The following GNAS-AS1 variants were observed in gnomAD, a reference collection of about 807,000 sequenced individuals.
The protein encoded by GNAS-AS1 is GNAS antisense RNA 1, also known as GNAS antisense RNA 1 (non-protein coding).
chr20:58,825,377 G>A (rs984359993), intron 4 of GNAS-AS1, among the ~76,000 whole-genome samples: 15 of 152,206 alleles, frequency 9.9e-5, no homozygotes, highest in Non-Finnish European at 2.9e-5. Context: ...AAGAGACTGG[G>A]TGGATGGGGA....
chr20:58,843,057 ATG>A (rs1568911841), intron 2 of GNAS-AS1, among the ~76,000 whole-genome samples: 1 of 152,204 alleles, frequency 6.6e-6, no homozygotes, highest in African/African-American at 2.4e-5. Flanking sequence ...CCATGTTCAC[ATG>A]TAGCGAGGAG....
chr20:58,841,427 G>C lies in GNAS-AS1; in HGVS notation n.819+510C>G, dbSNP rs982227001. The C allele has an allele frequency of 1.0e-5, 10 of 992,596 alleles. No homozygotes were observed. Among genetic ancestry groups the C allele is most frequent in the South Asian group, 4.6e-5 (1 of 21,876 alleles). 61.5% of individuals were successfully genotyped at this position (992,596 alleles called of 1,614,324 possible). ...CGAGAACTCTAGAGACTGACCACCC[G>C]GGAGGGAAGTCACGCGCGCGCGGCG... is the stretch of plus-strand genomic sequence containing the variant. On this transcript the variant is annotated intron_variant and non_coding_transcript_variant, in intron 4 of 4. Coordinates refer to ENST00000424094, the Ensembl canonical transcript of GNAS-AS1. The surrounding 1 kb of genome is among the most constrained non-coding windows in gnomAD (Gnocchi z 5.0).
At chr20:58,837,466 AC>A (rs1449878323) in intron 4 of GNAS-AS1, among the ~76,000 whole-genome samples, 4 of 152,236 alleles carry the variant, frequency 2.6e-5, no homozygotes, top group African/African-American at 7.2e-5. Flanking sequence ...GCAGGGCACA[AC>A]TGGAACATAG....
chr20:58,845,261 C>A (rs1476839034), intron 2 of GNAS-AS1, among the ~76,000 whole-genome samples: 1 of 152,092 alleles, frequency 6.6e-6, no homozygotes, highest in Non-Finnish European at 1.5e-5. Context: ...TAAGCTAGAC[C>A]TGAAAAAAAT....
chr20:58,823,003 C>T (rs1297086542), intron 4 of GNAS-AS1, among the ~76,000 whole-genome samples: 4 of 152,236 alleles, frequency 2.6e-5, no homozygotes, highest in South Asian at 2.1e-4. Context: ...CCACCCCTGG[C>T]GCCTACTGTT....
chr20:58,845,611 C>T (rs949787321), intron 2 of GNAS-AS1, among the ~76,000 whole-genome samples: 17 of 152,004 alleles, frequency 1.1e-4, no homozygotes, highest in African/African-American at 4.1e-4. Context: ...TTCTTTCTTA[C>T]ATATCAAAAG....
intron 4 of GNAS-AS1, chr20:58,839,539 C>G: frequency 2.5e-6 from 1 of 405,154 alleles, no homozygotes; most frequent in Non-Finnish European, 4.4e-6. Context: ...CTCCTTGCCA[C>G]CCGCCAGGCC....
At chr20:58,822,908 G>A (rs1246905960) in intron 4 of GNAS-AS1, among the ~76,000 whole-genome samples, 1 of 152,094 alleles carries the variant, frequency 6.6e-6, no homozygotes, top group Non-Finnish European at 1.5e-5. Flanking sequence ...GCTGGGCTCT[G>A]ACCTGGCTCC....
At chr20:58,824,149 G>A (rs541343819) in intron 4 of GNAS-AS1, 2 of 398,532 alleles carry the variant, frequency 5.0e-6, no homozygotes, top group Non-Finnish European at 8.8e-6. Context: ...CCAGTCTACT[G>A]TCCAAAACTG....
chr20:58,840,912 GAGCC>G lies in GNAS-AS1; in HGVS notation n.819+1021_819+1024del. 1 of 1,610,238 alleles carries G rather than the reference GAGCC, an allele frequency of 6.2e-7. No individual in the cohort carries two copies. Among genetic ancestry groups the G allele is most frequent in the Non-Finnish European group, 8.5e-7 (1 of 1,178,650 alleles). On this transcript the variant is annotated intron_variant and non_coding_transcript_variant, in intron 4 of 4. Transcript: ENST00000424094. This position sits in a 1 kb window ranked among gnomAD's most constrained non-coding sequence, Gnocchi z 6.0. ...GTTAGTTGCCCACCGCTAAACTGGGGAGCCTGAGGGCGGTGTGGGAGCAGCGCAG... is the reference window on the plus strand; with the variant it reads ...GTTAGTTGCCCACCGCTAAACTGGGGTGAGGGCGGTGTGGGAGCAGCGCAG...
chr20:58,840,673 G>A lies in GNAS-AS1; in HGVS notation n.819+1264C>T. The A allele has an allele frequency of 6.2e-7, 1 of 1,604,912 alleles. No individual in the cohort carries two copies. On this transcript the variant is annotated intron_variant and non_coding_transcript_variant, in intron 4 of 4. Transcript: ENST00000424094. This position sits in a 1 kb window ranked among gnomAD's most constrained non-coding sequence, Gnocchi z 6.0. ...GCACTCAGGAGCCCCAGAGCCCCAGGGAAGGGGAGGAGCTCAAGCCCGAGG... is the reference window on the plus strand; with the variant it reads ...GCACTCAGGAGCCCCAGAGCCCCAGAGAAGGGGAGGAGCTCAAGCCCGAGG...
At chr20:58,848,692 A>C (rs1225325766) in intron 2 of GNAS-AS1, among the ~76,000 whole-genome samples, 2 of 152,108 alleles carry the variant, frequency 1.3e-5, no homozygotes, top group African/African-American at 4.8e-5. Context: ...CAAGCCAACC[A>C]ATCAGGCCAA....
intron 4 of GNAS-AS1, among the ~76,000 whole-genome samples, chr20:58,825,581 A>G (rs1298828314): frequency 6.6e-6 from 1 of 152,230 alleles, no homozygotes; most frequent in Non-Finnish European, 1.5e-5. Flanking sequence ...CAGCTGACTT[A>G]GAGAGAAGTG....
intron 2 of GNAS-AS1, among the ~76,000 whole-genome samples, chr20:58,843,065 A>G (rs2085798832): frequency 6.6e-6 from 1 of 152,160 alleles, no homozygotes; most frequent in Non-Finnish European, 1.5e-5. Flanking sequence ...ACATGTAGCG[A>G]GGAGGGGCAA....
At chr20:58,823,562 G>A (rs2085500479) in intron 4 of GNAS-AS1, among the ~76,000 whole-genome samples, 1 of 152,236 alleles carries the variant, frequency 6.6e-6, no homozygotes, top group Admixed American at 6.5e-5. Flanking sequence ...GGGCCCCATG[G>A]CCTTGCTATT....
At chr20:58,820,250 C>T (rs2085476852) in intron 4 of GNAS-AS1, among the ~76,000 whole-genome samples, 1 of 152,248 alleles carries the variant, frequency 6.6e-6, no homozygotes, top group Non-Finnish European at 1.5e-5. Context: ...CTCACTTTCT[C>T]ACCTATCAAG....
At chr20:58,832,264 A>C (rs896547025) in intron 4 of GNAS-AS1, among the ~76,000 whole-genome samples, 9 of 152,224 alleles carry the variant, frequency 5.9e-5, no homozygotes, top group Non-Finnish European at 1.3e-4. Flanking sequence ...CTCACATAGG[A>C]TATATTAAAA....
intron 4 of GNAS-AS1, among the ~76,000 whole-genome samples, chr20:58,832,732 T>A (rs1248314590): frequency 1.3e-5 from 2 of 152,224 alleles, no homozygotes; most frequent in African/African-American, 4.8e-5. Flanking sequence ...CTTATCTCAG[T>A]TGTGGACAGG....
intron 4 of GNAS-AS1, among the ~76,000 whole-genome samples, chr20:58,825,534 A>C (rs1056615421): frequency 7.9e-5 from 12 of 152,304 alleles, no homozygotes; most frequent in African/African-American, 2.9e-4. Flanking sequence ...CAGTTGTATA[A>C]TTTTCCTTTA....
Sources: gnomAD v4.1 joint callset for allele counts (sites outside exome capture counted in the v4.1 genomes callset) on GRCh38, gnomAD v4.1.1 for gene constraint, Gnocchi (gnomAD v3.1) non-coding constraint, MANE v1.5 for transcripts, NCBI Gene and HGNC (gene_info 2026-07-23, HGNC 2026-07-21) for gene names.